The following PCDH15 variants were observed in gnomAD, a reference collection of about 807,000 sequenced individuals.
The protein encoded by PCDH15 is protocadherin related 15, also known as protocadherin-15.
In PCDH15, 129 loss-of-function variants were observed where a neutral mutation model predicts 178.5. The ratio of observed to expected loss-of-function variants is 0.72; its 90% confidence interval spans 0.63 to 0.84. The LOEUF (loss-of-function observed/expected upper bound fraction) is 0.84, where lower values mean the gene tolerates loss of function less well. PCDH15 is among the 40% of genes least tolerant of loss of function. PCDH15 has a pLI of 0.00. For missense variants in PCDH15, 2,230 were observed against 2,099.9 expected (o/e 1.06, Z -1.21); for synonymous variants, 800 against 732.0 (o/e 1.09, Z -1.50).
chr10:55,328,503 A>T (rs1844096080), intron 2 of PCDH15, among the ~76,000 whole-genome samples: 1 of 151,804 alleles, frequency 6.6e-6, no homozygotes, highest in Non-Finnish European at 1.5e-5. Context: ...GGTACAGTAA[A>T]AATACGGTAT....
chr10:53,840,225 G>A, intron 29 of PCDH15, 95 bp downstream of exon 29: 1 of 1,387,232 alleles, frequency 7.2e-7, no homozygotes, highest in Non-Finnish European at 1.0e-6. Flanking sequence ...CTATTTGGTG[G>A]GTTTTAAACT....
intron 2 of PCDH15, among the ~76,000 whole-genome samples, chr10:54,562,154 C>A (rs937147723): frequency 1.3e-5 from 2 of 151,684 alleles, no homozygotes; most frequent in African/African-American, 4.8e-5. Flanking sequence ...CCACACCCAG[C>A]TAATTTTTGT....
At chr10:55,549,926 T>TG (rs34316603) in intron 2 of PCDH15, among the ~76,000 whole-genome samples, 51,875 of 151,846 alleles carry the variant, frequency 0.34, 9,143 homozygotes, top group East Asian at 0.49. Context: ...CTGTGAGTGT[T>TG]GGGGGTGTGT....
chr10:55,347,207 T>C (rs559715205), intron 2 of PCDH15, among the ~76,000 whole-genome samples: 1 of 151,866 alleles, frequency 6.6e-6, no homozygotes, highest in African/African-American at 2.4e-5. Context: ...AGAGGGAGAC[T>C]GGCAAATAAA....
chr10:55,566,466 A>G (rs1049682284), intron 2 of PCDH15, among the ~76,000 whole-genome samples: 1 of 151,688 alleles, frequency 6.6e-6, no homozygotes, highest in African/African-American at 2.4e-5. Context: ...GGCTAGAAAA[A>G]AATATGAAAG....
chr10:55,048,617 A>G (rs1000294671), intron 2 of PCDH15, among the ~76,000 whole-genome samples: 1 of 151,944 alleles, frequency 6.6e-6, no homozygotes, highest in Non-Finnish European at 1.5e-5. Flanking sequence ...CCAAATCTGT[A>G]CTTTTCCTAA....
chr10:54,058,693 TC>T (rs1314177632), intron 18 of PCDH15, among the ~76,000 whole-genome samples: 7 of 74,042 alleles, frequency 9.5e-5, no homozygotes, highest in African/African-American at 2.9e-4. Context: ...TTTCTTTCTT[TC>T]TTTCTTTTTT....
intron 2 of PCDH15, among the ~76,000 whole-genome samples, chr10:55,626,579 C>T (rs1338079269): frequency 6.6e-6 from 1 of 152,154 alleles, no homozygotes; most frequent in African/African-American, 2.4e-5. Context: ...CTCTTTACAC[C>T]TATGAATCCA....
chr10:54,308,767 A>G (rs575188197), intron 8 of PCDH15, among the ~76,000 whole-genome samples: 2 of 152,100 alleles, frequency 1.3e-5, no homozygotes, highest in African/African-American at 4.8e-5. Context: ...ATTTCTCCTA[A>G]TGCTATCCCT....
intron 13 of PCDH15, among the ~76,000 whole-genome samples, chr10:54,170,640 CTGACCCCCA>C (rs1238235608): frequency 1.2e-3 from 176 of 151,846 alleles, no homozygotes; most frequent in Non-Finnish European, 1.8e-3. Flanking sequence ...GATACCACAC[CTGACCCCCA>C]TGACTGTATC....
chr10:54,679,189 C>CAAAAAA (rs10709982), intron 1 of PCDH15, among the ~76,000 whole-genome samples: 6 of 71,296 alleles, frequency 8.4e-5, no homozygotes, highest in Non-Finnish European at 1.4e-4. Context: ...GACTCCGTCT[C>CAAAAAA]AAAAAAAAAA....
intron 1 of PCDH15, among the ~76,000 whole-genome samples, chr10:54,787,636 C>T (rs939436532): frequency 2.0e-5 from 3 of 151,914 alleles, no homozygotes; most frequent in African/African-American, 7.2e-5. Context: ...TTTTCACCTT[C>T]CCTTCATGGG....
chr10:55,325,093 C>G (rs567787081), intron 2 of PCDH15, among the ~76,000 whole-genome samples: 5 of 152,152 alleles, frequency 3.3e-5, no homozygotes, highest in African/African-American at 1.2e-4. Flanking sequence ...AACAGAAAAA[C>G]ATTCCCTATT....
chr10:55,324,197 C>T (rs1465506191), upstream of PCDH15, among the ~76,000 whole-genome samples: 1 of 152,106 alleles, frequency 6.6e-6, no homozygotes, highest in Non-Finnish European at 1.5e-5. Flanking sequence ...ACAAGTTACC[C>T]AGTCCCAGGT....
chr10:54,305,025 T>C (rs1017690613), intron 8 of PCDH15, among the ~76,000 whole-genome samples: 2 of 152,086 alleles, frequency 1.3e-5, no homozygotes, highest in Admixed American at 6.6e-5. Flanking sequence ...CCAACACTTA[T>C]ACTATGGCTT....
intron 2 of PCDH15, among the ~76,000 whole-genome samples, chr10:54,543,726 C>A (rs750944904): frequency 6.6e-6 from 1 of 152,090 alleles, no homozygotes; most frequent in Admixed American, 6.6e-5. Flanking sequence ...GCTCTAGAAA[C>A]GTAATTTTCT....
chr10:54,426,117 A>C (rs549192098), intron 3 of PCDH15, among the ~76,000 whole-genome samples: 51 of 152,308 alleles, frequency 3.3e-4, no homozygotes, highest in South Asian at 1.0e-3. Flanking sequence ...ATATTCTTGT[A>C]TCCTCTCAGT....
chr10:54,710,331 G>T (rs2095415989), intron 1 of PCDH15, among the ~76,000 whole-genome samples: 2 of 151,986 alleles, frequency 1.3e-5, no homozygotes, highest in Admixed American at 1.3e-4. Context: ...TGCTGGAAAA[G>T]TATTGTGAAG....
Position 54,703,733 on chromosome 10 carries a change from A to G in PCDH15, c.-28-39443T>C, listed in dbSNP as rs144734501. On this transcript the variant is annotated intron_variant, in intron 1 of 37. Transcript: ENST00000644397. Reference sequence around the variant, plus strand: ...ATTGAGGAAATAAATCAGAAATAACATAACGGGAAAAACATTCCATACTCA... The same window carrying G: ...ATTGAGGAAATAAATCAGAAATAACGTAACGGGAAAAACATTCCATACTCA... Among the ~76,000 whole-genome samples the G allele has an allele frequency of 1.4e-3, 220 of 152,176 alleles. 3 individuals carry two copies. Among genetic ancestry groups the G allele is most frequent in the Admixed American group, 0.013 (194 of 15,250 alleles).
Sources: allele counts gnomAD v4.1 joint callset (sites outside exome capture counted in the v4.1 genomes callset), GRCh38; gene constraint gnomAD v4.1.1; transcripts MANE v1.5; gene names NCBI Gene and HGNC (gene_info 2026-07-23, HGNC 2026-07-21).